Variants in SRSF3 observed in about 807,000 individuals in gnomAD.
SRSF3 encodes serine and arginine rich splicing factor 3.
For synonymous variants in SRSF3, 87 were observed against 73.6 expected, an observed-to-expected ratio of 1.18 and a Z score of -0.93; for missense variants, 58 against 217.1, an observed-to-expected ratio of 0.27 and a Z score of 4.61.
At chr6:36,595,454 TC>T (rs995704125) in intron 1 of SRSF3, among the ~76,000 whole-genome samples, 1 of 152,068 alleles carries the variant, frequency 6.6e-6, no homozygotes, top group African/African-American at 2.4e-5. Flanking sequence ...TTCCGTCACC[TC>T]CCCCCGCAGG....
Position 36,603,435 on chromosome 6 carries a change from G to GT in SRSF3, c.*1447dup, listed in dbSNP as rs1407417206. ...GATTAAATCATAATGCAACAGTCTTGTGGCTTAGTTTCCTTAAATATGCTC... is the reference window on the plus strand; with the variant it reads ...GATTAAATCATAATGCAACAGTCTTGTTGGCTTAGTTTCCTTAAATATGCTC... On this transcript the variant is annotated 3_prime_UTR_variant, in exon 6 of 6. Coordinates refer to ENST00000373715, the MANE Select transcript of SRSF3 (RefSeq NM_003017.5). 4.5e-6 allele frequency: 1 copy of GT among 223,958 alleles called. No individual in the cohort carries two copies. Among genetic ancestry groups the GT allele is most frequent in the Non-Finnish European group, 8.9e-6 (1 of 112,202 alleles). 13.9% of individuals were successfully genotyped at this position (223,958 alleles called of 1,614,324 possible). A position where few individuals can be genotyped will look rare whatever the true frequency, so the allele number is the denominator to read the frequency against.
chr6:36,598,841 C>T lies in SRSF3; in HGVS notation c.207-8C>T, dbSNP rs1467502258. ...GCTGTTTTAAGTTTAATATCTTTGCCCCCTCAGAACACTATGTGGCTGCCG... is the reference window on the plus strand; with the variant it reads ...GCTGTTTTAAGTTTAATATCTTTGCTCCCTCAGAACACTATGTGGCTGCCG... On this transcript the variant is annotated splice_region_variant and splice_polypyrimidine_tract_variant and intron_variant, in intron 2 of 5. Coordinates refer to ENST00000373715, the MANE Select transcript of SRSF3 (RefSeq NM_003017.5). 1.2e-6 allele frequency: 2 copies of T among 1,610,124 alleles called. No homozygotes were observed. Among genetic ancestry groups the T allele is most frequent in the South Asian group, 2.2e-5 (2 of 90,742 alleles).
Position 36,596,837 on chromosome 6 carries a change from A to G in SRSF3, c.75A>G (p.Glu25=), listed in dbSNP as rs1179651719. 1.9e-6 allele frequency: 3 copies of G among 1,614,076 alleles called. No individual in the cohort carries two copies. Among genetic ancestry groups the G allele is most frequent in the South Asian group, 1.1e-5 (1 of 91,070 alleles). ...GNLGNNGNKT[E]LERAFGYYGP... ...TTGGAAACAATGGCAACAAGACGGA[A>G]TTGGAACGGGCTTTTGGCTACTATG... The change falls in exon 2 of 6, where the codon GAA becomes GAG. Residue 25 remains glutamate (E), a synonymous_variant. Coordinates refer to ENST00000373715, the MANE Select transcript of SRSF3 (RefSeq NM_003017.5).
Position 36,605,009 on chromosome 6 carries a change from G to A in SRSF3, c.*3020G>A, listed in dbSNP as rs1455671157. On this transcript the variant is annotated 3_prime_UTR_variant, in exon 6 of 6. Transcript: ENST00000373715. Reference sequence around the variant, plus strand: ...TCTGGTTTTCCATCTTTTCGAGAAAGATTTCTAGTTAAAGTTACTGAAGAA... The same window carrying A: ...TCTGGTTTTCCATCTTTTCGAGAAAAATTTCTAGTTAAAGTTACTGAAGAA... The A allele has an allele frequency of 2.0e-5, 3 of 152,160 alleles. 1 individual carries two copies. The highest frequency in any genetic ancestry group is 7.2e-5 in the African/African-American group (3 of 41,430). 9.4% of individuals were successfully genotyped at this position (152,160 alleles called of 1,614,324 possible).
In SRSF3 at chr6:36,597,882, C is replaced by G. The variant is rs1327270056; in HGVS notation, c.206+914C>G. The stretch of plus-strand genomic sequence containing the variant: ...TATATTTATTATTTAAAAAATAATA[C>G]AGACGACAGTCTGTGTTGCCCAGGC... On this transcript the variant is annotated intron_variant, in intron 2 of 5. Coordinates refer to ENST00000373715, the MANE Select transcript of SRSF3 (RefSeq NM_003017.5). Among the ~76,000 whole-genome samples the G allele has an allele frequency of 3.4e-5, 5 of 146,140 alleles. No individual in the cohort carries two copies. The Admixed American group carries it at 3.5e-4, about 10-fold the overall frequency.
rs945803729 is a variant in SRSF3 at position 36,605,583 on chromosome 6, A to G, written c.*3594A>G. 2.0e-5 allele frequency: 3 copies of G among 152,118 alleles called. No homozygotes were observed. Among genetic ancestry groups the G allele is most frequent in the South Asian group, 2.1e-4 (1 of 4,838 alleles). The allele number at this position is 152,118 out of a possible 1,614,324, so 9.4% of individuals were successfully genotyped here. ...CTTGTTGGACTCTGTACTTAATAAT[A>G]CAGTATTTAGATTCTCATTTAGTAT... On this transcript the variant is annotated 3_prime_UTR_variant, in exon 6 of 6. Transcript: ENST00000373715.
Position 36,605,079 on chromosome 6 carries a change from T to C in SRSF3, c.*3090T>C, listed in dbSNP as rs1361880955. 6.6e-6 allele frequency: 1 copy of C among 152,144 alleles called. No individual in the cohort carries two copies. Among genetic ancestry groups the C allele is most frequent in the African/African-American group, 2.4e-5 (1 of 41,424 alleles). 9.4% of individuals were successfully genotyped at this position (152,144 alleles called of 1,614,324 possible). A position where few individuals can be genotyped will look rare whatever the true frequency, so the allele number is the denominator to read the frequency against. On this transcript the variant is annotated 3_prime_UTR_variant, in exon 6 of 6. Transcript: ENST00000373715. Reference sequence around the variant, plus strand: ...TTTTTCTCTAAATAATCCAGTAGTGTTGAATTTGATTTTATGTCCACTCTA... The same window carrying C: ...TTTTTCTCTAAATAATCCAGTAGTGCTGAATTTGATTTTATGTCCACTCTA...
intron 1 of SRSF3, among the ~76,000 whole-genome samples, chr6:36,595,662 A>G (rs1265653851): frequency 1.3e-5 from 2 of 152,256 alleles, no homozygotes; most frequent in Admixed American, 6.5e-5. Context: ...AGGATTTGTC[A>G]GTACATCATT....
At position 36,601,940 on chromosome 6, in the gene SRSF3, C is replaced by CTTTCT. The variant is rs1554181327; in HGVS notation, c.468-19_468-18insCTTTT. The stretch of plus-strand genomic sequence containing the variant: ...AGTTACAGATGTAATGTTTTGTTTT[C>CTTTCT]TTTTTTTTTTTTTTTTTTTAGTCGA... On this transcript the variant is annotated intron_variant, in intron 5 of 5. Transcript: ENST00000373715. 9.8e-6 allele frequency: 14 copies of CTTTCT among 1,433,166 alleles called. No homozygotes were observed. In the African/African-American group the frequency reaches 2.2e-4, roughly 22 times the overall value. 88.8% of individuals were successfully genotyped at this position (1,433,166 alleles called of 1,614,324 possible).
At position 36,602,814 on chromosome 6, in the gene SRSF3, A is replaced by T. The variant is rs969213547; in HGVS notation, c.*825A>T. Reference sequence around the variant, plus strand: ...AAAGCCTGTTTTTCCTTGCAAACTCAAATCTGTGAGCTTGGTACCAAGTCC... The same window carrying T: ...AAAGCCTGTTTTTCCTTGCAAACTCTAATCTGTGAGCTTGGTACCAAGTCC... On this transcript the variant is annotated 3_prime_UTR_variant, in exon 6 of 6. Coordinates refer to ENST00000373715, the MANE Select transcript of SRSF3 (RefSeq NM_003017.5). The T allele has an allele frequency of 4.3e-5, 9 of 208,698 alleles. No individual in the cohort carries two copies. The highest frequency in any genetic ancestry group is 7.8e-5 in the Non-Finnish European group (8 of 102,298). The allele number at this position is 208,698 out of a possible 1,614,324, so 12.9% of individuals were successfully genotyped here.
chr6:36,601,288 G>C, intron 4 of SRSF3, 98 bp downstream of exon 4: 1 of 1,186,652 alleles, frequency 8.4e-7, no homozygotes, highest in Non-Finnish European at 1.2e-6. Flanking sequence ...AATAAACCTT[G>C]GCTTTAATAG....
Position 36,603,511 on chromosome 6 carries a change from AAGTCATTGC to A in SRSF3, c.*1524_*1532del, listed in dbSNP as rs1345155943. On this transcript the variant is annotated 3_prime_UTR_variant, in exon 6 of 6. Coordinates refer to ENST00000373715, the MANE Select transcript of SRSF3 (RefSeq NM_003017.5). ...ATTGACTGTCTTAAATATGAAAGAT[AAGTCATTGC>A]ATTAAGAGTTCAAGCTAAATGGATA... is the stretch of plus-strand genomic sequence containing the variant. The A allele has an allele frequency of 8.9e-6, 2 of 225,942 alleles. No homozygotes were observed. The highest frequency in any genetic ancestry group is 1.3e-4 in the East Asian group (2 of 15,464). The allele number at this position is 225,942 out of a possible 1,614,324, so 14.0% of individuals were successfully genotyped here. A position where few individuals can be genotyped will look rare whatever the true frequency, so the allele number is the denominator to read the frequency against.
At position 36,602,027 on chromosome 6, in the gene SRSF3, C is replaced by A; in HGVS notation, c.*38C>A. 1 of 1,543,966 alleles carries A rather than the reference C, an allele frequency of 6.5e-7. No individual in the cohort carries two copies. ...AAGAGAAGTGGTGTACAGGAAATTA[C>A]TTCATTTGACAGGAGTATGTACAGA... is the stretch of plus-strand genomic sequence containing the variant. On this transcript the variant is annotated 3_prime_UTR_variant, in exon 6 of 6. Coordinates refer to ENST00000373715, the MANE Select transcript of SRSF3 (RefSeq NM_003017.5).
At chr6:36,595,392 T>A (rs893159873) in intron 1 of SRSF3, among the ~76,000 whole-genome samples, 1 of 152,206 alleles carries the variant, frequency 6.6e-6, no homozygotes, top group Non-Finnish European at 1.5e-5. Context: ...TTAAGTGGTA[T>A]TTAGTATATT....
At chr6:36,599,588 C>G (rs551791395) in intron 3 of SRSF3, 1 of 334,910 alleles carries the variant, frequency 3.0e-6, no homozygotes, top group South Asian at 2.4e-5. Context: ...CTCCTCAGAC[C>G]TCCAAAATAG....
Position 36,605,342 on chromosome 6 carries a change from T to C in SRSF3, c.*3353T>C, listed in dbSNP as rs1229207329. 6.6e-6 allele frequency: 1 copy of C among 151,998 alleles called. No homozygotes were observed. Among genetic ancestry groups the C allele is most frequent in the Non-Finnish European group, 1.5e-5 (1 of 67,992 alleles). 9.4% of individuals were successfully genotyped at this position (151,998 alleles called of 1,614,324 possible). On this transcript the variant is annotated 3_prime_UTR_variant, in exon 6 of 6. Transcript: ENST00000373715. ...CCGTCTCTACTAACAGTACAAAAAT[T>C]AGCTGGGTGTGGTGGCAGGCGCCTA...
rs1223606607 is a variant in SRSF3 at position 36,602,182 on chromosome 6, G to A, written c.*193G>A. On this transcript the variant is annotated 3_prime_UTR_variant, in exon 6 of 6. Transcript: ENST00000373715. ...CTCTATGGTTTGAAATGGATCATAC[G>A]AGGCATGTAATACCAAGAATTGTTA... 4.5e-6 allele frequency: 5 copies of A among 1,118,098 alleles called. No individual in the cohort carries two copies. The highest frequency in any genetic ancestry group is 5.4e-5 in the East Asian group (2 of 36,786). The allele number at this position is 1,118,098 out of a possible 1,614,324, so 69.3% of individuals were successfully genotyped here.
In SRSF3 at chr6:36,602,489, C is replaced by T. The variant is rs537375654; in HGVS notation, c.*500C>T. 4.5e-6 allele frequency: 1 copy of T among 223,910 alleles called. No individual in the cohort carries two copies. The highest frequency in any genetic ancestry group is 1.8e-4 in the South Asian group (1 of 5,460). 13.9% of individuals were successfully genotyped at this position (223,910 alleles called of 1,614,324 possible). ...ATTAAATTAGAGGTTTTTGAAAAAT[C>T]CAACTCTCATCCTGGGCAGAGGTTG... On this transcript the variant is annotated 3_prime_UTR_variant, in exon 6 of 6. Transcript: ENST00000373715.
chr6:36,596,350 A>G lies in SRSF3; in HGVS notation c.-2-411A>G, dbSNP rs960384175. Among the ~76,000 whole-genome samples the G allele has an allele frequency of 4.6e-5, 7 of 152,136 alleles. No individual in the cohort carries two copies. The East Asian group carries it at 1.2e-3, about 25-fold the overall frequency. On this transcript the variant is annotated intron_variant, in intron 1 of 5. Transcript: ENST00000373715. ...ACCTTAAGGACTAGCTTTCTTCATC[A>G]TTGTTTTATTTAGTTTTGAGTCCCC... is the stretch of plus-strand genomic sequence containing the variant.
Sources: gnomAD v4.1 joint callset for allele counts (sites outside exome capture counted in the v4.1 genomes callset) on GRCh38, gnomAD v4.1.1 for gene constraint, MANE v1.5 for transcripts, NCBI Gene and HGNC (gene_info 2026-07-23, HGNC 2026-07-21) for gene names.